The following RPS6KC1 variants were observed in gnomAD, a reference collection of about 807,000 sequenced individuals.
The protein encoded by RPS6KC1 is inactive ribosomal protein S6 kinase delta-1.
In RPS6KC1, 54 loss-of-function variants were observed where a neutral mutation model predicts 103.8. The ratio of observed to expected loss-of-function variants is 0.52; its 90% CI spans 0.42 to 0.65. The LOEUF (loss-of-function observed/expected upper bound fraction) is 0.65, where lower values mean the gene tolerates loss of function less well. RPS6KC1 is among the 30% of genes least tolerant of loss of function. The pLI, the probability that RPS6KC1 is intolerant of heterozygous loss-of-function variation, is 0.00. For missense variants in RPS6KC1, 1,151 were observed against 1,253.8 expected, an observed-to-expected ratio of 0.92 and a Z score of 1.24; for synonymous variants, 439 against 438.7, an observed-to-expected ratio of 1.00 and a Z score of -0.01.
the RPS6KC1 span, among the ~76,000 whole-genome samples, chr1:213,303,738 TA>T: frequency 6.6e-6 from 1 of 152,188 alleles, no homozygotes; most frequent in African/African-American, 2.4e-5. Context: ...AGGATAGCTC[TA>T]TATTACCAAA....
the RPS6KC1 span, among the ~76,000 whole-genome samples, chr1:213,439,158 A>G: frequency 2.6e-5 from 4 of 152,070 alleles, no homozygotes; most frequent in African/African-American, 7.2e-5. Flanking sequence ...TGTATTCCCA[A>G]CACCATGGGG....
the RPS6KC1 span, among the ~76,000 whole-genome samples, chr1:213,646,597 C>G: frequency 9.7e-4 from 147 of 152,162 alleles, no homozygotes; most frequent in African/African-American, 3.4e-3. Flanking sequence ...TTGGGACCAC[C>G]TGGAACAGAC....
At chr1:213,849,753 G>A in the RPS6KC1 span, among the ~76,000 whole-genome samples, 8 of 152,102 alleles carry the variant, frequency 5.3e-5, no homozygotes. Flanking sequence ...TACAGCAGAA[G>A]CTTCCATTTA....
At chr1:213,625,492 A>G in the RPS6KC1 span, among the ~76,000 whole-genome samples, 3 of 151,978 alleles carry the variant, frequency 2.0e-5, no homozygotes, top group Non-Finnish European at 2.9e-5. Flanking sequence ...GGTTTGTTAC[A>G]TATGTATACA....
At chr1:213,067,109 AC>A (rs1307200022) in intron 1 of RPS6KC1, among the ~76,000 whole-genome samples, 1 of 152,178 alleles carries the variant, frequency 6.6e-6, no homozygotes, top group Admixed American at 6.5e-5. Flanking sequence ...TCTGGACTGA[AC>A]CAGTGTACAT....
the RPS6KC1 span, among the ~76,000 whole-genome samples, chr1:213,341,973 C>T: frequency 1.3e-5 from 2 of 152,240 alleles, no homozygotes; most frequent in Admixed American, 6.5e-5. Flanking sequence ...GTACTCTAGT[C>T]TATCAAACTT....
the RPS6KC1 span, among the ~76,000 whole-genome samples, chr1:213,807,841 G>A: frequency 6.6e-6 from 1 of 152,212 alleles, no homozygotes; most frequent in Non-Finnish European, 1.5e-5. Context: ...CTTTGGAGGA[G>A]AAGAGGTGCT....
chr1:213,393,032 C>A, the RPS6KC1 span, among the ~76,000 whole-genome samples: 1 of 152,202 alleles, frequency 6.6e-6, no homozygotes, highest in South Asian at 2.1e-4. Flanking sequence ...GGCAGAACCT[C>A]TAATTTCAAC....
chr1:213,120,786 C>T (rs759815091), intron 5 of RPS6KC1, among the ~76,000 whole-genome samples: 3 of 152,086 alleles, frequency 2.0e-5, no homozygotes, highest in Admixed American at 6.6e-5. Flanking sequence ...TCTGCTGTTT[C>T]AATGTTCTTT....
the RPS6KC1 span, among the ~76,000 whole-genome samples, chr1:213,813,062 C>T: frequency 6.6e-6 from 1 of 151,984 alleles, no homozygotes; most frequent in African/African-American, 2.4e-5. Flanking sequence ...ACCTTCCTGG[C>T]CAACATGGTG....
chr1:213,567,808 G>A, the RPS6KC1 span, among the ~76,000 whole-genome samples: 3 of 152,348 alleles, frequency 2.0e-5, no homozygotes, highest in South Asian at 6.2e-4. Context: ...ACATTTGAAT[G>A]ATTCCAATGT....
rs187959756 is a variant in RPS6KC1 at position 213,099,952 on chromosome 1, G to A, written c.263-4502G>A. Among the ~76,000 whole-genome samples, 3 of 152,212 alleles carry A rather than the reference G, an allele frequency of 2.0e-5. No homozygotes were observed. In the East Asian group the frequency reaches 5.8e-4, roughly 29 times the overall value. On this transcript the variant is annotated intron_variant, in intron 3 of 14. Coordinates refer to ENST00000366960, the MANE Select transcript of RPS6KC1 (RefSeq NM_012424.6). ...AAATCTACAATAAACATCTTTATAT[G>A]GACATATGTTTCTCTTGGGTAAATA...
intron 7 of RPS6KC1, among the ~76,000 whole-genome samples, chr1:213,171,509 G>C (rs1036262342): frequency 2.6e-5 from 4 of 152,070 alleles, no homozygotes; most frequent in African/African-American, 9.7e-5. Flanking sequence ...GACAATAAAT[G>C]ATCTAAATTT....
chr1:213,076,984 C>G (rs12135412), intron 2 of RPS6KC1, among the ~76,000 whole-genome samples: 3 of 152,048 alleles, frequency 2.0e-5, no homozygotes, highest in African/African-American at 7.2e-5. Flanking sequence ...GTTCTCCTGC[C>G]TCAGCCCCCC....
At chr1:213,342,968 C>T in the RPS6KC1 span, among the ~76,000 whole-genome samples, 4 of 151,878 alleles carry the variant, frequency 2.6e-5, no homozygotes, top group Non-Finnish European at 5.9e-5. Flanking sequence ...GGCAACATAG[C>T]GAAACGCTGT....
the RPS6KC1 span, among the ~76,000 whole-genome samples, chr1:213,784,984 A>G: frequency 1.3e-5 from 2 of 152,176 alleles, no homozygotes; most frequent in African/African-American, 4.8e-5. Context: ...GTAAAAAAAA[A>G]TGGAAAAAGG....
chr1:213,317,443 GAGA>G, the RPS6KC1 span, among the ~76,000 whole-genome samples: 1 of 152,324 alleles, frequency 6.6e-6, no homozygotes, highest in African/African-American at 2.4e-5. Context: ...ACAGCAGAGA[GAGA>G]AGGAGCAAGC....
At chr1:213,536,753 A>T in the RPS6KC1 span, among the ~76,000 whole-genome samples, 1 of 152,176 alleles carries the variant, frequency 6.6e-6, no homozygotes, top group African/African-American at 2.4e-5. Flanking sequence ...AGTGCCCCCA[A>T]CTGGGAGGCT....
the RPS6KC1 span, among the ~76,000 whole-genome samples, chr1:213,597,552 C>T: frequency 4.6e-5 from 7 of 152,180 alleles, no homozygotes; most frequent in Non-Finnish European, 1.0e-4. Context: ...AATCTCCATG[C>T]TTAGGTTCAG....
Sources: gnomAD v4.1 joint callset for allele counts (sites outside exome capture counted in the v4.1 genomes callset) on GRCh38, gnomAD v4.1.1 for gene constraint, MANE v1.5 for transcripts, NCBI Gene and HGNC (gene_info 2026-07-23, HGNC 2026-07-21) for gene names.